Variants in SORCS3 observed in about 807,000 individuals in gnomAD.
The protein encoded by SORCS3 is VPS10 domain-containing receptor SorCS3.
Under a neutral mutation model 146.3 loss-of-function variants are expected in SORCS3, and 57 were observed. That is an observed-to-expected ratio of 0.39 (90% CI 0.31 to 0.49). The LOEUF (loss-of-function observed/expected upper bound fraction) is 0.49. Among genes scored for constraint, SORCS3 ranks in the 20% least tolerant of loss-of-function variants. SORCS3 has a pLI of 0.92. For synonymous variants in SORCS3, 653 were observed against 618.5 expected, an observed-to-expected ratio of 1.06 and a Z score of -0.83; for missense variants, 1,341 against 1,575.5, an observed-to-expected ratio of 0.85 and a Z score of 2.52.
chr10:104,969,208 C>G (rs58428105), intron 3 of SORCS3, among the ~76,000 whole-genome samples: 2,354 of 152,060 alleles, frequency 0.015, 54 homozygotes, highest in African/African-American at 0.054. Flanking sequence ...CTCTTAGATT[C>G]CTACTCTCTT....
intron 4 of SORCS3, among the ~76,000 whole-genome samples, chr10:105,034,822 C>T (rs562939303): frequency 6.6e-6 from 1 of 152,182 alleles, no homozygotes; most frequent in Non-Finnish European, 1.5e-5. Flanking sequence ...CTGCCTAAGA[C>T]TCCATGTTTC....
At chr10:104,670,869 T>C (rs1371743096) in intron 1 of SORCS3, among the ~76,000 whole-genome samples, 4 of 123,540 alleles carry the variant, frequency 3.2e-5, no homozygotes, top group Non-Finnish European at 7.7e-5. Flanking sequence ...ATAATTTTCA[T>C]TGACAACTCT....
chr10:105,098,226 G>A (rs147228198), intron 6 of SORCS3, among the ~76,000 whole-genome samples: 1 of 152,268 alleles, frequency 6.6e-6, no homozygotes, highest in East Asian at 1.9e-4. Context: ...GACAAAGTGG[G>A]GGCTAAAGGC....
chr10:104,929,514 T>C (rs1246397965), intron 3 of SORCS3, among the ~76,000 whole-genome samples: 3 of 152,262 alleles, frequency 2.0e-5, no homozygotes, highest in Admixed American at 6.5e-5. Context: ...CCCATCTGCC[T>C]GTGTGCTCTG....
rs144713380 is a variant in SORCS3 at position 104,706,788 on chromosome 10, A to G, written c.627+64834A>G. ...TTTATTTATACCTACATAAACATGT[A>G]TATGCACACATACATAATGTATACA... On this transcript the variant is annotated intron_variant, in intron 1 of 26. Transcript: ENST00000369701. 2.6e-3 allele frequency among the ~76,000 whole-genome samples: 392 copies of G among 152,336 alleles called. 2 individuals are homozygous for G. The highest frequency in any genetic ancestry group is 4.2e-3 in the Non-Finnish European group (289 of 68,034).
At chr10:105,231,527 G>A (rs2056765602) in intron 20 of SORCS3, among the ~76,000 whole-genome samples, 1 of 152,082 alleles carries the variant, frequency 6.6e-6, no homozygotes, top group Non-Finnish European at 1.5e-5. Context: ...GTCTTATTAT[G>A]TTAGCCAGGA....
intron 9 of SORCS3, among the ~76,000 whole-genome samples, chr10:105,153,634 A>AGAGT (rs1554881774): frequency 7.7e-6 from 1 of 129,792 alleles, no homozygotes; most frequent in South Asian, 2.5e-4. Context: ...AGAGAGAGAG[A>AGAGT]GTGTGTGTGT....
chr10:104,895,578 CCTTTT>C (rs2018790078), intron 2 of SORCS3, among the ~76,000 whole-genome samples: 1 of 152,216 alleles, frequency 6.6e-6, no homozygotes, highest in African/African-American at 2.4e-5. Context: ...CCTTTCCTTT[CCTTTT>C]CACAGCATCT....
chr10:105,203,659 T>C (rs1248517980), intron 16 of SORCS3, among the ~76,000 whole-genome samples: 1 of 152,216 alleles, frequency 6.6e-6, no homozygotes, highest in Non-Finnish European at 1.5e-5. Context: ...AGTCACAGTT[T>C]TTGACCTTGG....
Position 105,008,302 on chromosome 10 carries a change from TC to T in SORCS3, c.954+30810del, listed in dbSNP as rs201412906. On this transcript the variant is annotated intron_variant, in intron 4 of 26. Transcript: ENST00000369701. ...TCATCCTATAGTAAATACTTAATGA[TC>T]TGTTCTTGGATGAAGGTGTGCATTT... Among the ~76,000 whole-genome samples the T allele has an allele frequency of 7.6e-3, 1,150 of 152,316 alleles. 7 individuals are homozygous for T. Among genetic ancestry groups the T allele is most frequent in the African/African-American group, 0.016 (659 of 41,570 alleles).
chr10:104,767,271 T>A (rs1222725567), intron 1 of SORCS3, among the ~76,000 whole-genome samples: 1 of 152,200 alleles, frequency 6.6e-6, no homozygotes, highest in East Asian at 1.9e-4. Flanking sequence ...GGGCAGTGTT[T>A]GTCCACTTAA....
At chr10:105,201,338 G>A (rs939224652) in intron 16 of SORCS3, 85 bp downstream of exon 16, 24 of 1,484,364 alleles carry the variant, frequency 1.6e-5, no homozygotes, top group Non-Finnish European at 2.0e-5. Context: ...GAAGTTAGGA[G>A]AGGAAGCATG....
intron 3 of SORCS3, among the ~76,000 whole-genome samples, chr10:104,929,458 C>T (rs1324901623): frequency 1.3e-5 from 2 of 152,138 alleles, no homozygotes; most frequent in African/African-American, 2.4e-5. Context: ...AAAATGAAAA[C>T]AATAACAAAC....
At chr10:104,884,770 A>T (rs1317220924) in intron 2 of SORCS3, among the ~76,000 whole-genome samples, 1 of 152,106 alleles carries the variant, frequency 6.6e-6, no homozygotes, top group Non-Finnish European at 1.5e-5. Context: ...ATTCTCATAG[A>T]TAGCTATTTG....
chr10:104,826,831 A>G (rs1451585143), intron 1 of SORCS3, among the ~76,000 whole-genome samples: 3 of 152,224 alleles, frequency 2.0e-5, no homozygotes, highest in African/African-American at 7.2e-5. Flanking sequence ...TTCTTTCAGA[A>G]TTGAAGTCAA....
chr10:104,830,956 T>A (rs1352085555), intron 1 of SORCS3, among the ~76,000 whole-genome samples: 1 of 152,082 alleles, frequency 6.6e-6, no homozygotes, highest in African/African-American at 2.4e-5. Flanking sequence ...GGACCACAGA[T>A]GTGTGCCACC....
intron 3 of SORCS3, among the ~76,000 whole-genome samples, chr10:104,922,010 A>G (rs1452628792): frequency 6.6e-6 from 1 of 152,216 alleles, no homozygotes; most frequent in Non-Finnish European, 1.5e-5. Flanking sequence ...GGGAATTACC[A>G]GTGAGATTCT....
At chr10:104,654,639 G>A (rs1427199177) in intron 1 of SORCS3, among the ~76,000 whole-genome samples, 1 of 152,192 alleles carries the variant, frequency 6.6e-6, no homozygotes, top group Non-Finnish European at 1.5e-5. Flanking sequence ...TCTGGACATA[G>A]AAATCTAGGG....
At chr10:105,006,918 T>A (rs1250423729) in intron 4 of SORCS3, among the ~76,000 whole-genome samples, 1 of 152,230 alleles carries the variant, frequency 6.6e-6, no homozygotes, top group African/African-American at 2.4e-5. Context: ...ATCTGTGGCA[T>A]GTCTGTTACT....
Sources: allele counts gnomAD v4.1 joint callset (sites outside exome capture counted in the v4.1 genomes callset), GRCh38; gene constraint gnomAD v4.1.1; transcripts MANE v1.5; gene names NCBI Gene and HGNC (gene_info 2026-07-23, HGNC 2026-07-21).